THUMPD2: variants seen among roughly 807,000 people sequenced by gnomAD.
THUMPD2 encodes U6 snRNA (guanine-N(2))-methyltransferase THUMPD2.
THUMPD2 carries 56 observed loss-of-function variants against 49.4 expected under a neutral mutation model. The observed-to-expected ratio is 1.13, with a 90% CI of 0.91 to 1.41. THUMPD2 has a LOEUF of 1.41. Among genes scored for constraint, THUMPD2 ranks in the 40% most tolerant of loss-of-function variants. THUMPD2 has a pLI of 0.00. For synonymous variants in THUMPD2, 237 were observed against 205.2 expected, an observed-to-expected ratio of 1.15 and a Z score of -1.32; for missense variants, 709 against 594.5, an observed-to-expected ratio of 1.19 and a Z score of -2.00.
intron 9 of THUMPD2, among the ~76,000 whole-genome samples, chr2:39,740,006 T>C (rs559867387): frequency 2.6e-5 from 4 of 152,346 alleles, no homozygotes; most frequent in South Asian, 2.1e-4. Flanking sequence ...GTGATAATAA[T>C]GGTGATATAG....
intron 9 of THUMPD2, among the ~76,000 whole-genome samples, chr2:39,738,116 A>G (rs1315401409): frequency 6.6e-6 from 1 of 152,176 alleles, no homozygotes; most frequent in African/African-American, 2.4e-5. Flanking sequence ...CAGGTTGAGA[A>G]GAGAAAATGG....
In THUMPD2 at chr2:39,755,983, G is replaced by A. The variant is rs1002554171; in HGVS notation, c.892-23C>T. On this transcript the variant is annotated intron_variant, in intron 6 of 9. Transcript: ENST00000505747. ...AGCCTGCAGACAGAAATATTAATTT[G>A]GTATTATTAAGACTACCATAGTACG... 4.4e-6 allele frequency: 7 copies of A among 1,607,534 alleles called. No individual in the cohort carries two copies. The Admixed American group carries it at 1.2e-4, about 27-fold the overall frequency.
chr2:39,758,134 T>C (rs937307212), intron 6 of THUMPD2, among the ~76,000 whole-genome samples: 6 of 152,190 alleles, frequency 3.9e-5, no homozygotes, highest in African/African-American at 1.4e-4. Context: ...GAAAAACATG[T>C]TTATATTAAA....
At chr2:39,750,595 T>A (rs896553442) in intron 8 of THUMPD2, among the ~76,000 whole-genome samples, 4 of 152,068 alleles carry the variant, frequency 2.6e-5, no homozygotes, top group Non-Finnish European at 4.4e-5. Context: ...TAATCCCAGC[T>A]ACTTGGGAGG....
intron 4 of THUMPD2, among the ~76,000 whole-genome samples, chr2:39,766,798 T>C (rs532226630): frequency 1.7e-4 from 26 of 152,204 alleles, no homozygotes; most frequent in Non-Finnish European, 2.5e-4. Flanking sequence ...ATTAACAGCT[T>C]AATCAGAATT....
chr2:39,763,225 T>C (rs186341865), intron 5 of THUMPD2, among the ~76,000 whole-genome samples: 3 of 152,172 alleles, frequency 2.0e-5, no homozygotes, highest in Admixed American at 1.3e-4. Flanking sequence ...TCCTAATCTA[T>C]ATCTCTAGCC....
intron 8 of THUMPD2, among the ~76,000 whole-genome samples, chr2:39,749,964 A>G (rs1465364943): frequency 6.6e-6 from 1 of 152,214 alleles, no homozygotes; most frequent in Non-Finnish European, 1.5e-5. Flanking sequence ...ATTTTACGGT[A>G]TATATGTACT....
intron 9 of THUMPD2, among the ~76,000 whole-genome samples, chr2:39,739,381 T>C (rs1673586784): frequency 6.6e-6 from 1 of 152,202 alleles, no homozygotes; most frequent in Non-Finnish European, 1.5e-5. Context: ...TTATCACTCA[T>C]TCTTATCACT....
At chr2:39,748,691 A>T (rs1458629334) in intron 8 of THUMPD2, among the ~76,000 whole-genome samples, 2 of 151,814 alleles carry the variant, frequency 1.3e-5, no homozygotes, top group African/African-American at 4.8e-5. Context: ...TGTCTCAAAA[A>T]AAAACAAAAA....
At chr2:39,779,270 G>A (rs1432938910), upstream of THUMPD2, 3 of 1,460,194 alleles carry the variant, frequency 2.1e-6, no homozygotes, top group East Asian at 8.8e-5. Flanking sequence ...GCGCCTTCGG[G>A]TCACGTGGCC....
chr2:39,737,416 AG>A (rs1373391744), intron 9 of THUMPD2, among the ~76,000 whole-genome samples: 2 of 152,238 alleles, frequency 1.3e-5, no homozygotes, highest in Non-Finnish European at 2.9e-5. Flanking sequence ...AACAGGAAAG[AG>A]TTAGGACACG....
intron 1 of THUMPD2, among the ~76,000 whole-genome samples, chr2:39,776,394 ATTTT>A (rs34586675): frequency 1.5e-5 from 2 of 135,662 alleles, no homozygotes; most frequent in Admixed American, 7.4e-5. Flanking sequence ...TCAGTATACT[ATTTT>A]TTTTTTTTTT....
At chr2:39,739,052 T>G (rs1237311612) in intron 9 of THUMPD2, among the ~76,000 whole-genome samples, 3 of 152,218 alleles carry the variant, frequency 2.0e-5, no homozygotes, top group African/African-American at 7.2e-5. Flanking sequence ...GTCTACTTCA[T>G]TCATAGTTTG....
chr2:39,761,846 T>G (rs993369813), intron 5 of THUMPD2, among the ~76,000 whole-genome samples: 1 of 152,166 alleles, frequency 6.6e-6, no homozygotes, highest in Non-Finnish European at 1.5e-5. Context: ...AAATCTGTTT[T>G]CTATAAAAAG....
At chr2:39,763,680 T>C (rs1422720743) in intron 5 of THUMPD2, among the ~76,000 whole-genome samples, 1 of 152,174 alleles carries the variant, frequency 6.6e-6, no homozygotes, top group Non-Finnish European at 1.5e-5. Context: ...CATTTAAAAA[T>C]ATAATTTTCT....
In THUMPD2 at chr2:39,764,218, T is replaced by C. The variant is rs528729896; in HGVS notation, c.803+1839A>G. On this transcript the variant is annotated intron_variant, in intron 5 of 9. Transcript: ENST00000505747. ...ACACTGGATTGAACTGTTTCAAAAG[T>C]TGAAATTTATTCAATGCTTACTGTA... Among the ~76,000 whole-genome samples, 7 of 152,344 alleles carry C rather than the reference T, an allele frequency of 4.6e-5. No individual in the cohort carries two copies. In the South Asian group the frequency reaches 8.3e-4, roughly 18 times the overall value.
chr2:39,754,523 C>T (rs947439706), intron 8 of THUMPD2, among the ~76,000 whole-genome samples: 1 of 152,164 alleles, frequency 6.6e-6, no homozygotes, highest in Non-Finnish European at 1.5e-5. Flanking sequence ...TGGGACCTAT[C>T]TACTACCTAT....
intron 9 of THUMPD2, among the ~76,000 whole-genome samples, chr2:39,737,295 A>T (rs1172411817): frequency 6.6e-6 from 1 of 152,106 alleles, no homozygotes; most frequent in African/African-American, 2.4e-5. Context: ...GCAAGCCTCA[A>T]AGTAATTTGT....
At chr2:39,771,788 A>G in intron 1 of THUMPD2, 148 bp from the exon 2 acceptor site, 1 of 820,758 alleles carries the variant, frequency 1.2e-6, no homozygotes, top group East Asian at 2.9e-5. Context: ...AGGAACACTG[A>G]ATAAGTATTT....
Sources: gnomAD v4.1 joint callset for allele counts (sites outside exome capture counted in the v4.1 genomes callset) on GRCh38, gnomAD v4.1.1 for gene constraint, MANE v1.5 for transcripts, NCBI Gene and HGNC (gene_info 2026-07-23, HGNC 2026-07-21) for gene names.